CSMD1: variants seen among roughly 807,000 people sequenced by gnomAD.
CSMD1 encodes CUB and Sushi multiple domains 1.
A neutral mutation model predicts 417.5 loss-of-function variants in CSMD1; 213 were observed. That is an observed-to-expected ratio of 0.51 (90% CI 0.46 to 0.57). The LOEUF is 0.57. Ranked by LOEUF, CSMD1 falls within the 20% of genes least tolerant of loss-of-function variation. The pLI, the probability that CSMD1 is intolerant of heterozygous loss-of-function variation, is 0.00. For synonymous variants in CSMD1, 2,862 were observed against 1,736.8 expected (o/e 1.65, Z -16.11); for missense variants, 6,923 against 4,529.7 (o/e 1.53, Z -15.17).
intron 5 of CSMD1, among the ~76,000 whole-genome samples, chr8:3,827,118 G>A (rs773531934): frequency 2.7e-4 from 41 of 152,058 alleles, no homozygotes; most frequent in Non-Finnish European, 3.2e-4. Flanking sequence ...TGTAAAAACC[G>A]TAAAAGAAAA....
chr8:3,851,313 C>T (rs76368577), intron 5 of CSMD1, among the ~76,000 whole-genome samples: 4,860 of 152,274 alleles, frequency 0.032, 126 homozygotes, highest in African/African-American at 0.076. Context: ...ACATTACACA[C>T]ATAAAAGTGG....
chr8:3,533,541 C>T (rs529598065), intron 10 of CSMD1, among the ~76,000 whole-genome samples: 110 of 152,282 alleles, frequency 7.2e-4, no homozygotes, highest in Non-Finnish European at 8.8e-5. Context: ...ACATCTCTCA[C>T]TACTATGTCT....
intron 1 of CSMD1, among the ~76,000 whole-genome samples, chr8:4,839,039 G>A (rs1052716682): frequency 6.6e-6 from 1 of 151,966 alleles, no homozygotes; most frequent in Non-Finnish European, 1.5e-5. Flanking sequence ...TAACTTTTTG[G>A]AATTGGTTTT....
At chr8:3,479,578 C>T (rs868446755) in intron 11 of CSMD1, among the ~76,000 whole-genome samples, 1 of 152,220 alleles carries the variant, frequency 6.6e-6, no homozygotes, top group African/African-American at 2.4e-5. Context: ...CCGCGCCCAG[C>T]CTGCCATTTC....
intron 10 of CSMD1, among the ~76,000 whole-genome samples, chr8:3,530,976 C>T (rs1797956045): frequency 6.6e-6 from 1 of 151,874 alleles, no homozygotes; most frequent in African/African-American, 2.4e-5. Flanking sequence ...CCTCAGCTTC[C>T]TGAGTAGCTG....
intron 5 of CSMD1, among the ~76,000 whole-genome samples, chr8:3,933,991 A>G (rs1273675377): frequency 6.6e-6 from 1 of 152,174 alleles, no homozygotes; most frequent in Non-Finnish European, 1.5e-5. Flanking sequence ...TGGCAAACCC[A>G]TGGCAAATAT....
chr8:4,120,132 A>C (rs1249096534), intron 3 of CSMD1, among the ~76,000 whole-genome samples: 1 of 152,204 alleles, frequency 6.6e-6, no homozygotes, highest in African/African-American at 2.4e-5. Flanking sequence ...TGAATACTAC[A>C]CATCGCATGC....
rs191802493 is a variant in CSMD1, at chr8:4,132,952, G to C, written c.416-100853C>G. On this transcript the variant is annotated intron_variant, in intron 3 of 69. Transcript: ENST00000635120. ...GTCATTTATTTATTTATTTATTTTT[G>C]AGATGGAGTCTCGCTCTGTTATCCA... Among the ~76,000 whole-genome samples the C allele has an allele frequency of 9.2e-5, 14 of 151,840 alleles. No individual in the cohort carries two copies. The East Asian group carries it at 2.5e-3, about 27-fold the overall frequency.
intron 3 of CSMD1, among the ~76,000 whole-genome samples, chr8:4,084,959 A>T (rs1364556309): frequency 6.6e-6 from 1 of 152,228 alleles, no homozygotes; most frequent in African/African-American, 2.4e-5. Flanking sequence ...ACCTGCAGAA[A>T]GAAGGAGATG....
intron 2 of CSMD1, among the ~76,000 whole-genome samples, chr8:4,434,212 C>A (rs1207305888): frequency 2.0e-5 from 3 of 152,088 alleles, no homozygotes; most frequent in Non-Finnish European, 4.4e-5. Context: ...GTAATGAGCA[C>A]CTGTAATCCC....
chr8:4,614,829 ATTTT>A (rs1004415357), intron 2 of CSMD1, among the ~76,000 whole-genome samples: 1 of 152,136 alleles, frequency 6.6e-6, no homozygotes, highest in Non-Finnish European at 1.5e-5. Context: ...ATCAGACATT[ATTTT>A]TTTAAAAATG....
At chr8:3,457,771 A>T (rs1039134288) in intron 12 of CSMD1, among the ~76,000 whole-genome samples, 4 of 152,232 alleles carry the variant, frequency 2.6e-5, no homozygotes, top group Non-Finnish European at 5.9e-5. Flanking sequence ...GAAAGCAACA[A>T]ATTCCAATTG....
chr8:4,483,512 A>T (rs965926778), intron 2 of CSMD1, among the ~76,000 whole-genome samples: 1 of 152,244 alleles, frequency 6.6e-6, no homozygotes, highest in African/African-American at 2.4e-5. Flanking sequence ...TATGAAAGTC[A>T]TACAAACATG....
rs576955357 is a variant in CSMD1, at chr8:4,702,300, G to A, written c.86-64742C>T. Among the ~76,000 whole-genome samples, 14 of 152,280 alleles carry A rather than the reference G, an allele frequency of 9.2e-5. No homozygotes were observed. The East Asian group carries it at 2.7e-3, about 29-fold the overall frequency. Reference sequence around the variant, plus strand: ...AATCAACAGGTTGCCTTGCTTCTGAGACCTGCATGGCCATGGGCCTCTGAC... The same window carrying A: ...AATCAACAGGTTGCCTTGCTTCTGAAACCTGCATGGCCATGGGCCTCTGAC... On this transcript the variant is annotated intron_variant, in intron 1 of 69. Coordinates refer to ENST00000635120, the MANE Select transcript of CSMD1 (RefSeq NM_033225.6).
At chr8:4,155,230 G>A (rs527753828) in intron 3 of CSMD1, among the ~76,000 whole-genome samples, 32 of 152,172 alleles carry the variant, frequency 2.1e-4, no homozygotes, top group Non-Finnish European at 3.8e-4. Context: ...ACTGGGTCAC[G>A]CAAATGTTGA....
intron 5 of CSMD1, among the ~76,000 whole-genome samples, chr8:3,969,827 A>G (rs554693909): frequency 6.6e-6 from 1 of 152,216 alleles, no homozygotes; most frequent in African/African-American, 2.4e-5. Context: ...GGAGATTTTT[A>G]AATGAAGTAT....
intron 26 of CSMD1, among the ~76,000 whole-genome samples, chr8:3,270,642 C>T (rs1013863112): frequency 2.0e-5 from 3 of 152,110 alleles, no homozygotes; most frequent in African/African-American, 7.2e-5. Flanking sequence ...CTTTACTCAT[C>T]AAAGCAAGTC....
At chr8:4,221,623 A>G (rs1801037199) in intron 3 of CSMD1, among the ~76,000 whole-genome samples, 2 of 152,154 alleles carry the variant, frequency 1.3e-5, no homozygotes, top group Non-Finnish European at 2.9e-5. Context: ...AATAGTGAAT[A>G]AGACAATTTC....
At chr8:3,416,128 C>G (rs181465340) in intron 12 of CSMD1, among the ~76,000 whole-genome samples, 55 of 151,152 alleles carry the variant, frequency 3.6e-4, no homozygotes, top group African/African-American at 1.3e-3. Context: ...GGTGAAACCC[C>G]GTCTCTACTA....
Sources: gnomAD v4.1 joint callset for allele counts (sites outside exome capture counted in the v4.1 genomes callset) on GRCh38, gnomAD v4.1.1 for gene constraint, MANE v1.5 for transcripts, NCBI Gene and HGNC (gene_info 2026-07-23, HGNC 2026-07-21) for gene names.